RSU1: variants seen among roughly 807,000 people sequenced by gnomAD.
RSU1 encodes the protein Ras suppressor protein 1.
Under a neutral mutation model 31.1 loss-of-function variants are expected in RSU1, and 26 were observed. That is an observed-to-expected ratio of 0.84 (90% CI 0.61 to 1.16). The LOEUF (loss-of-function observed/expected upper bound fraction) is 1.16. Among genes scored for constraint, RSU1 ranks in the 50% most tolerant of loss-of-function variants. The pLI is 0.00. For synonymous variants in RSU1, 164 were observed against 136.3 expected (o/e 1.20, Z -1.41); for missense variants, 320 against 339.1 (o/e 0.94, Z 0.44).
chr10:16,674,566 G>A (rs549462391), intron 8 of RSU1, among the ~76,000 whole-genome samples: 4 of 152,106 alleles, frequency 2.6e-5, no homozygotes, highest in South Asian at 2.1e-4. Flanking sequence ...TACGTCTCCC[G>A]CTCTTGCAGG....
chr10:16,663,996 C>T (rs1402531295), intron 8 of RSU1, among the ~76,000 whole-genome samples: 1 of 152,048 alleles, frequency 6.6e-6, no homozygotes, highest in Non-Finnish European at 1.5e-5. Flanking sequence ...AGTTCAATTA[C>T]TCTACACTCC....
chr10:16,716,530 T>C (rs945968166), intron 7 of RSU1, among the ~76,000 whole-genome samples: 43 of 151,566 alleles, frequency 2.8e-4, no homozygotes, highest in African/African-American at 1.0e-3. Context: ...GCCCTCCTGA[T>C]CCCTGCCACC....
At chr10:16,643,231 G>A (rs60885950) in intron 8 of RSU1, among the ~76,000 whole-genome samples, 51,018 of 152,040 alleles carry the variant, frequency 0.34, 9,675 homozygotes, top group African/African-American at 0.51. Flanking sequence ...ATTTATAGAA[G>A]AGCATGGAAG....
At chr10:16,710,867 C>A (rs1054850591) in intron 7 of RSU1, among the ~76,000 whole-genome samples, 1 of 152,064 alleles carries the variant, frequency 6.6e-6, no homozygotes, top group African/African-American at 2.4e-5. Context: ...CTCCGTGTGT[C>A]CATGTGTTCT....
chr10:16,708,294 TAAGG>T (rs1271578171), intron 7 of RSU1, among the ~76,000 whole-genome samples: 4 of 152,160 alleles, frequency 2.6e-5, no homozygotes, highest in Non-Finnish European at 4.4e-5. Flanking sequence ...AAGAAAAACA[TAAGG>T]AAGAGTAAAT....
chr10:16,774,258 T>C (rs1432572479), intron 3 of RSU1, among the ~76,000 whole-genome samples: 2 of 152,220 alleles, frequency 1.3e-5, no homozygotes, highest in Non-Finnish European at 2.9e-5. Context: ...AAGAATGAGT[T>C]CTGTGATGCA....
At chr10:16,598,804 G>A (rs1833663835) in intron 8 of RSU1, among the ~76,000 whole-genome samples, 1 of 150,916 alleles carries the variant, frequency 6.6e-6, no homozygotes, top group African/African-American at 2.5e-5. Flanking sequence ...TAAGTTCTTG[G>A]TAATGTGTTA....
intron 8 of RSU1, among the ~76,000 whole-genome samples, chr10:16,610,735 A>C (rs1333057308): frequency 6.6e-6 from 1 of 152,198 alleles, no homozygotes; most frequent in African/African-American, 2.4e-5. Flanking sequence ...AAGGCACACT[A>C]TAATGTAAAG....
chr10:16,726,853 G>A (rs1345773309), intron 7 of RSU1, among the ~76,000 whole-genome samples: 1 of 152,002 alleles, frequency 6.6e-6, no homozygotes, highest in African/African-American at 2.4e-5. Context: ...CTATCTGTAG[G>A]CATTGGATGA....
intron 2 of RSU1, among the ~76,000 whole-genome samples, chr10:16,803,678 A>T (rs1286507962): frequency 6.6e-6 from 1 of 152,218 alleles, no homozygotes; most frequent in Non-Finnish European, 1.5e-5. Context: ...ATAGACCCAC[A>T]CAAATATAAT....
At chr10:16,664,482 T>C (rs144135867) in intron 8 of RSU1, among the ~76,000 whole-genome samples, 7 of 152,334 alleles carry the variant, frequency 4.6e-5, no homozygotes, top group African/African-American at 9.6e-5. Flanking sequence ...CCCAAAATAA[T>C]TGCTGCATCT....
chr10:16,768,425 T>G (rs1837360677), intron 3 of RSU1, among the ~76,000 whole-genome samples: 2 of 152,228 alleles, frequency 1.3e-5, no homozygotes, highest in Admixed American at 6.5e-5. Flanking sequence ...GAGTATCATT[T>G]TCTGCCTAGC....
chr10:16,601,389 A>G (rs1050202417), intron 8 of RSU1, among the ~76,000 whole-genome samples: 15 of 152,202 alleles, frequency 9.9e-5, no homozygotes, highest in African/African-American at 3.6e-4. Context: ...GTAAAGTTGT[A>G]TATGTATATT....
At chr10:16,800,962 CAAAA>C (rs772645083) in intron 2 of RSU1, among the ~76,000 whole-genome samples, 1 of 140,880 alleles carries the variant, frequency 7.1e-6, no homozygotes, top group Admixed American at 7.0e-5. Context: ...GAGCAGAAGA[CAAAA>C]AAAAAAAGAA....
intron 7 of RSU1, among the ~76,000 whole-genome samples, chr10:16,724,004 G>C (rs1017802975): frequency 6.6e-6 from 1 of 151,978 alleles, no homozygotes; most frequent in Non-Finnish European, 1.5e-5. Context: ...GCAGTGGTAT[G>C]ATCTCGGCTC....
chr10:16,711,111 C>G (rs1187974874), intron 7 of RSU1, among the ~76,000 whole-genome samples: 1 of 152,112 alleles, frequency 6.6e-6, no homozygotes, highest in Non-Finnish European at 1.5e-5. Flanking sequence ...CTGTTCAGAT[C>G]TTTAATTTCT....
At chr10:16,753,058 C>T (rs1161261337) in intron 5 of RSU1, 58 bp from the exon 6 acceptor site, 5 of 1,343,992 alleles carry the variant, frequency 3.7e-6, no homozygotes, top group African/African-American at 1.4e-5. Flanking sequence ...CATTTGAGGT[C>T]TGATCAATAC....
intron 7 of RSU1, among the ~76,000 whole-genome samples, chr10:16,713,466 T>G (rs1443962551): frequency 6.6e-6 from 1 of 152,204 alleles, no homozygotes; most frequent in Non-Finnish European, 1.5e-5. Context: ...CTCTGCCTGA[T>G]CTAGTCTGTT....
At chr10:16,629,814 A>G (rs1588683034) in intron 8 of RSU1, among the ~76,000 whole-genome samples, 1 of 152,124 alleles carries the variant, frequency 6.6e-6, no homozygotes. Context: ...GAACTCACTG[A>G]CCTGCTGCAT....
Sources: allele counts gnomAD v4.1 joint callset (sites outside exome capture counted in the v4.1 genomes callset), GRCh38; gene constraint gnomAD v4.1.1; transcripts MANE v1.5; gene names NCBI Gene and HGNC (gene_info 2026-07-23, HGNC 2026-07-21).